RGS6: variants seen among roughly 807,000 people sequenced by gnomAD.
RGS6 encodes regulator of G protein signaling 6.
RGS6 carries 30 observed loss-of-function variants against 78.5 expected under a neutral mutation model. That is an observed-to-expected ratio of 0.38 (90% CI 0.29 to 0.52). The LOEUF is 0.52. Ranked by LOEUF, RGS6 falls within the 20% of genes least tolerant of loss-of-function variation. The pLI is 0.85. For missense variants in RGS6, 495 were observed against 609.7 expected (o/e 0.81, Z 1.98); for synonymous variants, 206 against 206.0 (o/e 1.00, Z 0.00).
intron 2 of RGS6, among the ~76,000 whole-genome samples, chr14:72,169,359 TC>T (rs1463936633): frequency 6.6e-6 from 1 of 152,212 alleles, no homozygotes; most frequent in African/African-American, 2.4e-5. Context: ...AATTCACTAA[TC>T]TAATCTCTAG....
intron 2 of RGS6, among the ~76,000 whole-genome samples, chr14:72,088,451 C>A (rs2095139505): frequency 1.3e-5 from 2 of 152,172 alleles, no homozygotes; most frequent in South Asian, 4.1e-4. Flanking sequence ...TTCTGCTCTT[C>A]TTGGCAAAAC....
At chr14:71,934,327 C>A (rs2088591442) in intron 1 of RGS6, among the ~76,000 whole-genome samples, 1 of 152,176 alleles carries the variant, frequency 6.6e-6, no homozygotes, top group African/African-American at 2.4e-5. Context: ...TTCCCAATAA[C>A]TCATCCTTTC....
chr14:72,272,484 T>C (rs142378568), intron 2 of RGS6, among the ~76,000 whole-genome samples: 1 of 152,362 alleles, frequency 6.6e-6, no homozygotes, highest in East Asian at 1.9e-4. Flanking sequence ...TTTCATCCTC[T>C]AGCCTTCCAT....
intron 2 of RGS6, among the ~76,000 whole-genome samples, chr14:72,084,635 G>A (rs1195438560): frequency 2.6e-5 from 4 of 152,188 alleles, no homozygotes; most frequent in East Asian, 1.9e-4. Context: ...AGCAGCTAGA[G>A]TTAGCATTTG....
At chr14:72,208,589 C>T (rs886853238) in intron 2 of RGS6, among the ~76,000 whole-genome samples, 1 of 152,082 alleles carries the variant, frequency 6.6e-6, no homozygotes, top group Non-Finnish European at 1.5e-5. Context: ...GTCCTATTTC[C>T]CTTTGTATCT....
chr14:72,181,723 T>C (rs2097175646), intron 2 of RGS6, among the ~76,000 whole-genome samples: 1 of 152,218 alleles, frequency 6.6e-6, no homozygotes, highest in Admixed American at 6.5e-5. Flanking sequence ...TCTATAACCT[T>C]GAATACTAGT....
the RGS6 span, among the ~76,000 whole-genome samples, chr14:72,573,706 C>T: frequency 6.6e-6 from 1 of 152,192 alleles, no homozygotes; most frequent in South Asian, 2.1e-4. Context: ...GCCAGAATTT[C>T]TCTAAGCCAG....
chr14:72,425,392 G>C (rs2094392188), intron 3 of RGS6, among the ~76,000 whole-genome samples: 1 of 152,126 alleles, frequency 6.6e-6, no homozygotes, highest in Non-Finnish European at 1.5e-5. Flanking sequence ...ACCCACCTCA[G>C]CCTCCCAAAG....
intron 12 of RGS6, among the ~76,000 whole-genome samples, chr14:72,491,993 C>T (rs923882271): frequency 5.9e-5 from 9 of 152,122 alleles, no homozygotes; most frequent in Admixed American, 1.3e-4. Context: ...GAGCCACATA[C>T]GCTCAGATCT....
the RGS6 span, chr14:72,619,235 G>A: frequency 2.1e-5 from 31 of 1,500,898 alleles, no homozygotes; most frequent in Non-Finnish European, 2.5e-5. Context: ...GGCGCGTTCT[G>A]GTTTGAACTG....
intron 2 of RGS6, among the ~76,000 whole-genome samples, chr14:72,155,902 C>T (rs901896241): frequency 6.6e-6 from 1 of 152,210 alleles, no homozygotes; most frequent in Non-Finnish European, 1.5e-5. Context: ...AGCTCTATGC[C>T]AGTGAGAAAA....
At chr14:72,125,444 C>G (rs1245354148) in intron 2 of RGS6, among the ~76,000 whole-genome samples, 1 of 152,126 alleles carries the variant, frequency 6.6e-6, no homozygotes, top group African/African-American at 2.4e-5. Flanking sequence ...GAATAGGGAA[C>G]TGATAACCCA....
chr14:72,347,395 G>A (rs552343460), intron 2 of RGS6, among the ~76,000 whole-genome samples: 2 of 152,298 alleles, frequency 1.3e-5, no homozygotes, highest in South Asian at 4.1e-4. Flanking sequence ...AATAAATCAT[G>A]AGATGGTTGA....
chr14:72,119,564 T>A (rs531489380), intron 2 of RGS6, among the ~76,000 whole-genome samples: 1 of 152,288 alleles, frequency 6.6e-6, no homozygotes, highest in Non-Finnish European at 1.5e-5. Flanking sequence ...GTTTGAAGAT[T>A]AGGAAAATAA....
chr14:71,948,449 A>G (rs911738746), intron 1 of RGS6, among the ~76,000 whole-genome samples: 2 of 152,202 alleles, frequency 1.3e-5, no homozygotes, highest in East Asian at 1.9e-4. Flanking sequence ...GAGGGCTGCA[A>G]TGCCACCTTG....
At chr14:71,971,791 G>T (rs1213419417) in intron 2 of RGS6, among the ~76,000 whole-genome samples, 1 of 152,068 alleles carries the variant, frequency 6.6e-6, no homozygotes, top group Non-Finnish European at 1.5e-5. Flanking sequence ...GCTGGATTCA[G>T]CTCCTTAGGG....
At chr14:72,238,558 A>C (rs2051823070) in intron 2 of RGS6, among the ~76,000 whole-genome samples, 1 of 152,118 alleles carries the variant, frequency 6.6e-6, no homozygotes, top group Non-Finnish European at 1.5e-5. Context: ...GCTCCTGGTC[A>C]TCAGAACTTA....
chr14:72,528,173 A>G (rs890082378), intron 15 of RGS6, among the ~76,000 whole-genome samples: 1 of 152,238 alleles, frequency 6.6e-6, no homozygotes, highest in African/African-American at 2.4e-5. Context: ...TCTAAAAAGA[A>G]AGGAGATTTC....
chr14:72,202,205 G>C (rs1190276064), intron 2 of RGS6, among the ~76,000 whole-genome samples: 1 of 152,184 alleles, frequency 6.6e-6, no homozygotes, highest in Non-Finnish European at 1.5e-5. Flanking sequence ...TTATGTTCAT[G>C]AAGTAAGTCA....
Sources: allele counts gnomAD v4.1 joint callset (sites outside exome capture counted in the v4.1 genomes callset), GRCh38; gene constraint gnomAD v4.1.1; transcripts MANE v1.5; gene names NCBI Gene and HGNC (gene_info 2026-07-23, HGNC 2026-07-21).